The following SZT2 variants were observed in gnomAD, a reference collection of about 807,000 sequenced individuals.
The protein encoded by SZT2 is SZT2 subunit of KICSTOR complex.
Under a neutral mutation model 404.2 loss-of-function variants are expected in SZT2, and 216 were observed. That is an observed-to-expected ratio of 0.53 (90% CI 0.48 to 0.60). The LOEUF is 0.60. Ranked by LOEUF, SZT2 falls within the 20% of genes least tolerant of loss-of-function variation. The pLI, the probability that SZT2 is intolerant of heterozygous loss-of-function variation, is 0.00. For missense variants in SZT2, 3,857 were observed against 4,459.2 expected, an observed-to-expected ratio of 0.86 and a Z score of 3.85; for synonymous variants, 1,693 against 1,749.9, an observed-to-expected ratio of 0.97 and a Z score of 0.81.
Position 43,450,793 on chromosome 1 carries a change from T to C in SZT2, c.*313T>C. On this transcript the variant is annotated 3_prime_UTR_variant, in exon 72 of 72. Coordinates refer to ENST00000634258, the MANE Select transcript of SZT2 (RefSeq NM_001365999.1). The surrounding 1 kb of genome is among the most constrained non-coding windows in gnomAD (Gnocchi z 4.3). ...TAGAGTCTCGGGAGTTCACACAGGG[T>C]GGCAAACACCCCCTAGAGCTCCTCT... 1.4e-6 allele frequency: 1 copy of C among 708,364 alleles called. No individual in the cohort carries two copies. Among genetic ancestry groups the C allele is most frequent in the Non-Finnish European group, 2.6e-6 (1 of 382,430 alleles). 43.9% of individuals were successfully genotyped at this position (708,364 alleles called of 1,614,324 possible).
Position 43,430,552 on chromosome 1 carries a change from T to C in SZT2, c.4537T>C (p.Tyr1513His). The C allele has an allele frequency of 6.2e-7, 1 of 1,614,196 alleles. No homozygotes were observed. The highest frequency in any genetic ancestry group is 8.5e-7 in the Non-Finnish European group (1 of 1,180,034). Residue 1513 changes from tyrosine (Y) to histidine (H), a missense_variant, in exon 32 of 72, where the codon TAC becomes CAC. This residue lies in a region of SZT2 where 1,725 missense variants were observed against 1,881.0 expected (regional missense o/e 0.92). Coordinates refer to ENST00000634258, the MANE Select transcript of SZT2 (RefSeq NM_001365999.1). ...GAGTGACCCAGAGCTAGAGGTAGAA[T>C]ACCGGGAGAGCCGTGAATCAGACCT... is the stretch of plus-strand genomic sequence containing the variant. Reference protein sequence around the residue: ...TESDPELEVEYRESRESDLGP... With the variant: ...TESDPELEVEHRESRESDLGP...
rs1375793428 is a variant in SZT2 at position 43,439,551 on chromosome 1, G to A, written c.6878-54G>A. ...GCTTGCAGCTGAGTGGAGGGTCGTGGGAGGGGTGGTCTGCAAGTCCCAGAG... is the reference window on the plus strand; with the variant it reads ...GCTTGCAGCTGAGTGGAGGGTCGTGAGAGGGGTGGTCTGCAAGTCCCAGAG... On this transcript the variant is annotated intron_variant, in intron 49 of 71. Coordinates refer to ENST00000634258, the MANE Select transcript of SZT2 (RefSeq NM_001365999.1). This position sits in a 1 kb window ranked among gnomAD's most constrained non-coding sequence, Gnocchi z 4.2. 70 of 1,609,984 alleles carry A rather than the reference G, an allele frequency of 4.3e-5. No individual in the cohort carries two copies. Among genetic ancestry groups the A allele is most frequent in the Non-Finnish European group, 5.9e-5 (70 of 1,177,716 alleles).
At chr1:43,400,060 T>A (rs1649499624) in intron 1 of SZT2, among the ~76,000 whole-genome samples, 1 of 152,092 alleles carries the variant, frequency 6.6e-6, no homozygotes, top group African/African-American at 2.4e-5. Context: ...CACCTCAATC[T>A]CCCAAGTAGC....
At position 43,426,719 on chromosome 1, in the gene SZT2, C is replaced by T. The variant is rs1385866926; in HGVS notation, c.3219C>T (p.Ala1073=). ...CCATCTCTACCCCCATTGTAGGTGCCGAGGGGCCACTGCTGGGGGTTCATG... is the reference window on the plus strand; with the variant it reads ...CCATCTCTACCCCCATTGTAGGTGCTGAGGGGCCACTGCTGGGGGTTCATG... ...VLRRTCHVPG[A]EGPLLGVHGI... The change falls in exon 23 of 72, where the codon GCC becomes GCT. Residue 1073 remains alanine, a synonymous_variant. Transcript: ENST00000634258. The surrounding 1 kb of genome is among the most constrained non-coding windows in gnomAD (Gnocchi z 4.9). 3.7e-6 allele frequency: 6 copies of T among 1,609,258 alleles called. No homozygotes were observed. In the East Asian group the frequency reaches 6.7e-5, roughly 18 times the overall value.
Position 43,437,785 on chromosome 1 carries a change from C to T in SZT2, c.6397-6C>T, listed in dbSNP as rs1160627372. 1.2e-6 allele frequency: 2 copies of T among 1,614,170 alleles called. No homozygotes were observed. Among genetic ancestry groups the T allele is most frequent in the Non-Finnish European group, 8.5e-7 (1 of 1,180,044 alleles). On this transcript the variant is annotated splice_region_variant and splice_polypyrimidine_tract_variant and intron_variant, in intron 45 of 71. Transcript: ENST00000634258. This position sits in a 1 kb window ranked among gnomAD's most constrained non-coding sequence, Gnocchi z 5.3. ...ACCGGGGCCCTGACCACAGTTTTCC[C>T]TGTAGGGTCCTCGTTCTCCCTTAGA... is the stretch of plus-strand genomic sequence containing the variant.
At chr1:43,433,284 C>A in intron 40 of SZT2, 94 bp downstream of exon 40, 1 of 1,383,630 alleles carries the variant, frequency 7.2e-7, no homozygotes, top group Non-Finnish European at 9.9e-7. Flanking sequence ...AGAAGTAAGA[C>A]TTGGGACTGA....
Position 43,451,438 on chromosome 1 carries a change from G to T in SZT2, c.*958G>T. 6.2e-7 allele frequency: 1 copy of T among 1,613,724 alleles called. No homozygotes were observed. Among genetic ancestry groups the T allele is most frequent in the South Asian group, 1.1e-5 (1 of 91,092 alleles). On this transcript the variant is annotated 3_prime_UTR_variant, in exon 72 of 72. Transcript: ENST00000634258. Reference sequence around the variant, plus strand: ...GAGGCTGATACTCACAGCCCACGAAGCCTTTGTAGCCTTCATCTTCCAGCA... The same window carrying T: ...GAGGCTGATACTCACAGCCCACGAATCCTTTGTAGCCTTCATCTTCCAGCA...
intron 4 of SZT2, chr1:43,404,751 G>A (rs1650099239): frequency 2.0e-6 from 1 of 510,968 alleles, no homozygotes; most frequent in Non-Finnish European, 3.4e-6. Flanking sequence ...CTTTCCTATA[G>A]ACTTCGGGTC....
At position 43,422,898 on chromosome 1, in the gene SZT2, G is replaced by A; in HGVS notation, c.2037+15G>A. On this transcript the variant is annotated intron_variant, in intron 14 of 71. Coordinates refer to ENST00000634258, the MANE Select transcript of SZT2 (RefSeq NM_001365999.1). Reference sequence around the variant, plus strand: ...CCCGGCACAAGGTAAGCTGGGCCCTGACTGACTCTGACCAAGGAGCCCTAG... The same window carrying A: ...CCCGGCACAAGGTAAGCTGGGCCCTAACTGACTCTGACCAAGGAGCCCTAG... 2.6e-6 allele frequency: 4 copies of A among 1,564,380 alleles called. No individual in the cohort carries two copies. The highest frequency in any genetic ancestry group is 2.3e-5 in the East Asian group (1 of 42,932).
intron 51 of SZT2, 141 bp downstream of exon 51, chr1:43,440,189 T>C: frequency 1.6e-6 from 2 of 1,275,598 alleles, no homozygotes; most frequent in Non-Finnish European, 2.2e-6. Flanking sequence ...TTCACAGTTG[T>C]CCGTGAGCTT....
rs750203597 is a variant in SZT2 at position 43,447,968 on chromosome 1, T to G, written c.9560T>G (p.Leu3187Arg). 8 of 1,613,878 alleles carry G rather than the reference T, an allele frequency of 5.0e-6. No individual in the cohort carries two copies. Among genetic ancestry groups the G allele is most frequent in the Non-Finnish European group, 8.5e-7 (1 of 1,180,008 alleles). ...EEQGEAERHV[L>R]RLQFFVVLTS... ...CAAGGAGAGGCTGAGCGGCACGTTC[T>G]GCGGTCAGCAGATCCCCTACCTTGA... Residue 3187 changes from leucine to arginine, a missense_variant, in exon 68 of 72, where the codon CTG (leucine) becomes CGG (arginine). Physicochemically the swap from Leu to Arg is moderately radical, Grantham distance 102. Coordinates refer to ENST00000634258, the MANE Select transcript of SZT2 (RefSeq NM_001365999.1).
chr1:43,415,406 C>G (rs375079423), intron 5 of SZT2, among the ~76,000 whole-genome samples, 193 bp downstream of exon 5: 1 of 152,154 alleles, frequency 6.6e-6, no homozygotes, highest in Non-Finnish European at 1.5e-5. Flanking sequence ...AACACAGATT[C>G]TTTCAGGGAA....
chr1:43,446,124 T>C (rs976544362), intron 63 of SZT2, 55 bp from the exon 64 acceptor site: 7 of 1,607,144 alleles, frequency 4.4e-6, no homozygotes, highest in Non-Finnish European at 5.1e-6. Context: ...ACTTCCACCC[T>C]ACTGATTCGA....
intron 4 of SZT2, chr1:43,406,936 A>G (rs562965692): frequency 6.6e-6 from 1 of 152,380 alleles, no homozygotes; most frequent in South Asian, 2.1e-4. Flanking sequence ...ATAATTAGCC[A>G]TAGGTAGCGG....
In SZT2 at chr1:43,428,476, T is replaced by C; in HGVS notation, c.4156T>C (p.Ser1386Pro). 1 of 1,613,674 alleles carries C rather than the reference T, an allele frequency of 6.2e-7. No individual in the cohort carries two copies. The highest frequency in any genetic ancestry group is 8.5e-7 in the Non-Finnish European group (1 of 1,179,960). Residue 1386 changes from serine to proline, a missense_variant, in exon 28 of 72, where the codon TCT (serine) becomes CCT (proline). Ser to Pro is a moderately conservative substitution (Grantham distance 74, BLOSUM62 -1). Transcript: ENST00000634258. ...AEPRERAILA[S>P]ESSIETEDLS... Reference sequence around the variant, plus strand: ...ACCTCGGGAACGAGCTATCCTAGCTTCTGAATCCAGGTTAGGATTATACTT... The same window carrying C: ...ACCTCGGGAACGAGCTATCCTAGCTCCTGAATCCAGGTTAGGATTATACTT...
intron 11 of SZT2, 108 bp from the exon 12 acceptor site, chr1:43,421,975 T>C (rs978658735): frequency 1.0e-5 from 13 of 1,252,750 alleles, no homozygotes; most frequent in African/African-American, 1.5e-5. Context: ...AAACCACTGC[T>C]GTCTCTGACT....
In SZT2 at chr1:43,437,313, G is replaced by A. The variant is rs372963858; in HGVS notation, c.6177G>A (p.Gly2059=). The part of the protein sequence containing the change: ...HSRLKMGPSM[G]VSRAIQALRS... ...GCCTCAAAATGGGGCCCAGCATGGG[G>A]GTCTCTCGGGGTATGTGATTGGCAT... The change falls in exon 43 of 72, where the codon GGG becomes GGA. Residue 2059 remains glycine, a synonymous_variant. Transcript: ENST00000634258. This position sits in a 1 kb window ranked among gnomAD's most constrained non-coding sequence, Gnocchi z 5.3. 6.2e-7 allele frequency: 1 copy of A among 1,614,162 alleles called. No individual in the cohort carries two copies. The highest frequency in any genetic ancestry group is 8.5e-7 in the Non-Finnish European group (1 of 1,180,036).
rs766528438 is a variant in SZT2, at chr1:43,437,763, G to A, written c.6397-28G>A. On this transcript the variant is annotated intron_variant, in intron 45 of 71. Transcript: ENST00000634258. This position sits in a 1 kb window ranked among gnomAD's most constrained non-coding sequence, Gnocchi z 5.3. Reference sequence around the variant, plus strand: ...CTCTTGCACTTTGCTCTCTGGAACCGGGGCCCTGACCACAGTTTTCCCTGT... The same window carrying A: ...CTCTTGCACTTTGCTCTCTGGAACCAGGGCCCTGACCACAGTTTTCCCTGT... The A allele has an allele frequency of 2.1e-5, 34 of 1,613,894 alleles. No individual in the cohort carries two copies. Among genetic ancestry groups the A allele is most frequent in the East Asian group, 6.7e-5 (3 of 44,880 alleles).
At position 43,441,908 on chromosome 1, in the gene SZT2, T is replaced by C. The variant is rs938672466; in HGVS notation, c.7742+90T>C. The C allele has an allele frequency of 1.9e-6, 3 of 1,594,986 alleles. No homozygotes were observed. In the Admixed American group the frequency reaches 5.1e-5, roughly 27 times the overall value. ...GAAGCCAAACCTGAGGAAGCTGAGC[T>C]AGGAGAGGTGGAAACAAGGCCCAGG... On this transcript the variant is annotated intron_variant, in intron 55 of 71. Coordinates refer to ENST00000634258, the MANE Select transcript of SZT2 (RefSeq NM_001365999.1). The surrounding 1 kb of genome is among the most constrained non-coding windows in gnomAD (Gnocchi z 4.8).
Sources: gnomAD v4.1 joint callset for allele counts (sites outside exome capture counted in the v4.1 genomes callset) on GRCh38, gnomAD v4.1.1 for gene constraint, gnomAD v4.1.1 regional missense constraint, Gnocchi (gnomAD v3.1) non-coding constraint, MANE v1.5 for transcripts, NCBI Gene and HGNC (gene_info 2026-07-23, HGNC 2026-07-21) for gene names.